WDFY2: variants seen among roughly 807,000 people sequenced by gnomAD.
The protein encoded by WDFY2 is WD repeat and FYVE domain-containing protein 2.
A neutral mutation model predicts 56.4 loss-of-function variants in WDFY2; 36 were observed. That is an observed-to-expected ratio of 0.64 (90% CI 0.49 to 0.84). The LOEUF (loss-of-function observed/expected upper bound fraction) is 0.84, where lower values mean the gene tolerates loss of function less well. Among genes scored for constraint, WDFY2 ranks in the 40% least tolerant of loss-of-function variants. The pLI is 0.00. For synonymous variants in WDFY2, 176 were observed against 183.7 expected, an observed-to-expected ratio of 0.96 and a Z score of 0.34; for missense variants, 444 against 512.2, an observed-to-expected ratio of 0.87 and a Z score of 1.29.
intron 1 of WDFY2, among the ~76,000 whole-genome samples, chr13:51,616,440 T>A (rs1035513105): frequency 3.3e-5 from 5 of 152,212 alleles, no homozygotes; most frequent in African/African-American, 1.2e-4. Flanking sequence ...AGTACTCACC[T>A]GCATCAGTCA....
At chr13:51,611,859 C>G (rs529352605) in intron 1 of WDFY2, among the ~76,000 whole-genome samples, 1 of 152,238 alleles carries the variant, frequency 6.6e-6, no homozygotes, top group African/African-American at 2.4e-5. Flanking sequence ...AGGAATGATC[C>G]CTGTTTTTCT....
chr13:51,737,203 T>A (rs1010757781), intron 6 of WDFY2, among the ~76,000 whole-genome samples: 6 of 152,122 alleles, frequency 3.9e-5, no homozygotes, highest in Non-Finnish European at 7.3e-5. Context: ...ACATTAACAA[T>A]AGTAGTCAGC....
chr13:51,604,606 CTATT>C (rs1646301717), intron 1 of WDFY2, among the ~76,000 whole-genome samples: 3 of 152,074 alleles, frequency 2.0e-5, no homozygotes, highest in South Asian at 2.1e-4. Flanking sequence ...CTACATGTGG[CTATT>C]TGAGTTTAAA....
intron 1 of WDFY2, among the ~76,000 whole-genome samples, chr13:51,626,278 G>T (rs1329686481): frequency 2.0e-5 from 3 of 152,310 alleles, no homozygotes; most frequent in African/African-American, 7.2e-5. Flanking sequence ...GTGAGACTGG[G>T]CTGGTTGAAA....
intron 7 of WDFY2, among the ~76,000 whole-genome samples, chr13:51,746,191 A>G (rs539863370): frequency 1.4e-4 from 22 of 152,182 alleles, no homozygotes; most frequent in African/African-American, 4.8e-4. Context: ...CACATTAGCC[A>G]GGCTGGTCTT....
chr13:51,632,979 A>AT (rs543537973), intron 1 of WDFY2, among the ~76,000 whole-genome samples: 10 of 152,036 alleles, frequency 6.6e-5, no homozygotes, highest in African/African-American at 2.2e-4. Context: ...ATTTACTGTG[A>AT]TTTTTTTTAT....
chr13:51,717,920 T>A (rs1038161457), intron 4 of WDFY2, among the ~76,000 whole-genome samples: 3 of 152,302 alleles, frequency 2.0e-5, no homozygotes, highest in Admixed American at 6.5e-5. Flanking sequence ...GACTGTATTG[T>A]ATGGTAGCAA....
At chr13:51,723,424 G>A (rs1331141214) in intron 5 of WDFY2, among the ~76,000 whole-genome samples, 1 of 151,964 alleles carries the variant, frequency 6.6e-6, no homozygotes, top group East Asian at 1.9e-4. Context: ...TGGTTGTCAC[G>A]TCTTCTAAAT....
chr13:51,698,848 G>T (rs1951927666), intron 3 of WDFY2, among the ~76,000 whole-genome samples: 1 of 152,138 alleles, frequency 6.6e-6, no homozygotes, highest in African/African-American at 2.4e-5. Context: ...CGAAAGATTT[G>T]ATAAAATTCA....
intron 3 of WDFY2, among the ~76,000 whole-genome samples, chr13:51,698,312 C>T (rs1951917769): frequency 6.6e-6 from 1 of 152,124 alleles, no homozygotes; most frequent in South Asian, 2.1e-4. Context: ...AGGAAGAATA[C>T]ATCAGGGCAA....
intron 1 of WDFY2, among the ~76,000 whole-genome samples, chr13:51,626,405 A>T (rs1954836544): frequency 6.6e-6 from 1 of 152,216 alleles, no homozygotes; most frequent in African/African-American, 2.4e-5. Context: ...TGTTCTAAGG[A>T]TTATACCAAC....
At chr13:51,668,225 C>G (rs1157541625) in intron 2 of WDFY2, among the ~76,000 whole-genome samples, 1 of 152,060 alleles carries the variant, frequency 6.6e-6, no homozygotes, top group African/African-American at 2.4e-5. Context: ...GAAATCCAAA[C>G]TAAACATGCT....
chr13:51,616,177 C>T (rs560115548), intron 1 of WDFY2, among the ~76,000 whole-genome samples: 15 of 152,286 alleles, frequency 9.8e-5, no homozygotes, highest in African/African-American at 2.6e-4. Context: ...GTCGAGGCTG[C>T]AGTGAATTGT....
At chr13:51,684,039 A>G (rs903253524) in intron 3 of WDFY2, among the ~76,000 whole-genome samples, 1 of 152,200 alleles carries the variant, frequency 6.6e-6, no homozygotes, top group Non-Finnish European at 1.5e-5. Flanking sequence ...ATGGAGGAAT[A>G]GCTCTTCTCT....
chr13:51,718,045 T>A (rs558726980), intron 4 of WDFY2, among the ~76,000 whole-genome samples: 4 of 152,336 alleles, frequency 2.6e-5, no homozygotes, highest in Non-Finnish European at 5.9e-5. Context: ...CTGGCACTTG[T>A]AAGACATTCA....
At chr13:51,630,562 C>T (rs1954933690) in intron 1 of WDFY2, among the ~76,000 whole-genome samples, 1 of 151,618 alleles carries the variant, frequency 6.6e-6, no homozygotes, top group Non-Finnish European at 1.5e-5. Flanking sequence ...GGCACTTTTG[C>T]ACACATTGCC....
At chr13:51,730,190 C>T (rs996874418) in intron 6 of WDFY2, among the ~76,000 whole-genome samples, 7 of 152,158 alleles carry the variant, frequency 4.6e-5, no homozygotes, top group Non-Finnish European at 1.0e-4. Context: ...TTCCCAGCTG[C>T]TTCATATTTT....
chr13:51,676,015 G>GA (rs1955880837), intron 3 of WDFY2, among the ~76,000 whole-genome samples: 2 of 152,132 alleles, frequency 1.3e-5, no homozygotes, highest in Non-Finnish European at 2.9e-5. Context: ...CTATGAATTA[G>GA]AAGGCCCTGC....
At chr13:51,739,305 G>T in intron 7 of WDFY2, 130 bp downstream of exon 7, 1 of 1,084,422 alleles carries the variant, frequency 9.2e-7, no homozygotes, top group Non-Finnish European at 1.2e-6. Context: ...CACAAATACT[G>T]GCCACTTTGA....
Sources: gnomAD v4.1 joint callset for allele counts (sites outside exome capture counted in the v4.1 genomes callset) on GRCh38, gnomAD v4.1.1 for gene constraint, MANE v1.5 for transcripts, NCBI Gene and HGNC (gene_info 2026-07-23, HGNC 2026-07-21) for gene names.